CAST: variants seen among roughly 807,000 people sequenced by gnomAD.
CAST encodes calpastatin.
CAST carries 76 observed loss-of-function variants against 119.6 expected under a neutral mutation model. That is an observed-to-expected ratio of 0.64 (90% CI 0.53 to 0.77). The LOEUF is 0.77. Among genes scored for constraint, CAST ranks in the 30% least tolerant of loss-of-function variants. CAST has a pLI of 0.00. For synonymous variants in CAST, 319 were observed against 331.6 expected (o/e 0.96, Z 0.41); for missense variants, 953 against 946.5 (o/e 1.01, Z -0.09).
the CAST span, among the ~76,000 whole-genome samples, chr5:96,515,347 C>G: frequency 1.3e-5 from 2 of 151,234 alleles, no homozygotes; most frequent in African/African-American, 4.9e-5. Flanking sequence ...TCCATCTAGC[C>G]TGTTTCCTGC....
the CAST span, among the ~76,000 whole-genome samples, chr5:96,258,810 GTGT>G: frequency 2.6e-5 from 1 of 38,010 alleles, no homozygotes; most frequent in African/African-American, 2.6e-4. Flanking sequence ...TAAAGCATAT[GTGT>G]TTTTCCCCTA....
the CAST span, among the ~76,000 whole-genome samples, chr5:96,092,173 T>G: frequency 6.6e-6 from 1 of 152,198 alleles, no homozygotes; most frequent in Non-Finnish European, 1.5e-5. Context: ...CTCCTCTCCC[T>G]TAGAAAACTC....
chr5:95,961,811 A>C, the CAST span: 1 of 1,449,170 alleles, frequency 6.9e-7, no homozygotes, highest in South Asian at 1.4e-5. Context: ...AGCCGCCGCC[A>C]CTGCTAGGGC....
chr5:96,466,655 A>G, the CAST span, among the ~76,000 whole-genome samples: 4 of 152,012 alleles, frequency 2.6e-5, no homozygotes, highest in Non-Finnish European at 4.4e-5. Flanking sequence ...TATATACTTA[A>G]TGGTATCCTG....
At chr5:96,419,366 T>C in the CAST span, among the ~76,000 whole-genome samples, 1 of 142,270 alleles carries the variant, frequency 7.0e-6, no homozygotes, top group East Asian at 2.0e-4. Context: ...AAGTATTATA[T>C]ATGTTATATA....
the CAST span, among the ~76,000 whole-genome samples, chr5:96,184,428 C>T: frequency 5.2e-4 from 79 of 152,218 alleles, 1 homozygote; most frequent in African/African-American, 1.6e-3. Context: ...GTTCGTGCCA[C>T]GGTGGTTTGC....
the CAST span, among the ~76,000 whole-genome samples, chr5:96,230,227 G>A: frequency 2.0e-5 from 3 of 152,148 alleles, no homozygotes; most frequent in Admixed American, 1.3e-4. Context: ...CTGCATTGGA[G>A]TGTCCCCCAG....
chr5:96,528,456 A>G (rs569003029), upstream of CAST, among the ~76,000 whole-genome samples: 5 of 152,110 alleles, frequency 3.3e-5, no homozygotes, highest in Admixed American at 6.5e-5. Flanking sequence ...TAGGACCAGA[A>G]GAAGGCCTTA....
the CAST span, among the ~76,000 whole-genome samples, chr5:96,136,760 A>G: frequency 1.3e-5 from 2 of 152,208 alleles, no homozygotes; most frequent in African/African-American, 4.8e-5. Flanking sequence ...ACAATGAGAA[A>G]AACTGGCTTT....
chr5:96,689,950 G>A (rs935947885), intron 2 of CAST, among the ~76,000 whole-genome samples: 14 of 152,084 alleles, frequency 9.2e-5, no homozygotes, highest in African/African-American at 3.1e-4. Flanking sequence ...TGTAGGTATA[G>A]CTATTTTCCC....
At chr5:96,475,865 C>A in the CAST span, among the ~76,000 whole-genome samples, 93,390 of 152,016 alleles carry the variant, frequency 0.61, 29,169 homozygotes, top group Non-Finnish European at 0.68. Flanking sequence ...TTGCAGGTCA[C>A]GGGTCACCCG....
At chr5:96,604,786 T>C (rs1488078840) in intron 1 of CAST, among the ~76,000 whole-genome samples, 1 of 152,240 alleles carries the variant, frequency 6.6e-6, no homozygotes, top group Non-Finnish European at 1.5e-5. Flanking sequence ...TAGGTTCTGC[T>C]TTGTAGCAAT....
chr5:96,720,866 TAG>T (rs1289843903), intron 3 of CAST, among the ~76,000 whole-genome samples: 1 of 152,200 alleles, frequency 6.6e-6, no homozygotes, highest in African/African-American at 2.4e-5. Flanking sequence ...CACTTTCACA[TAG>T]AGTGTTTGGT....
the CAST span, among the ~76,000 whole-genome samples, chr5:96,244,637 A>G: frequency 2.6e-5 from 4 of 152,208 alleles, no homozygotes; most frequent in African/African-American, 9.6e-5. Flanking sequence ...GGAAAGCTGA[A>G]TGGTTGAGGC....
At chr5:96,173,748 T>C in the CAST span, among the ~76,000 whole-genome samples, 5 of 148,438 alleles carry the variant, frequency 3.4e-5, no homozygotes, top group Admixed American at 6.6e-5. Context: ...ACTTTTTTTT[T>C]TCTTTTTTTT....
At chr5:96,549,096 A>T (rs1477295756) in intron 1 of CAST, among the ~76,000 whole-genome samples, 2 of 152,226 alleles carry the variant, frequency 1.3e-5, no homozygotes, top group African/African-American at 4.8e-5. Context: ...TACAGGAGCC[A>T]GCTCCAGTAT....
At chr5:96,759,436 GC>G (rs1204602766) in intron 24 of CAST, among the ~76,000 whole-genome samples, 1 of 152,062 alleles carries the variant, frequency 6.6e-6, no homozygotes, top group Non-Finnish European at 1.5e-5. Flanking sequence ...TCTTTGAGAA[GC>G]AGTCAAAGCA....
chr5:96,038,103 T>C, the CAST span, among the ~76,000 whole-genome samples: 1 of 152,178 alleles, frequency 6.6e-6, no homozygotes, highest in African/African-American at 2.4e-5. Context: ...GCATCCTCAG[T>C]TTTGTTGCAT....
the CAST span, among the ~76,000 whole-genome samples, chr5:96,071,159 T>C: frequency 6.6e-6 from 1 of 151,842 alleles, no homozygotes; most frequent in South Asian, 2.1e-4. Context: ...CTCACCAATA[T>C]ACAACATTCA....
Sources: gnomAD v4.1 joint callset for allele counts (sites outside exome capture counted in the v4.1 genomes callset) on GRCh38, gnomAD v4.1.1 for gene constraint, MANE v1.5 for transcripts, NCBI Gene and HGNC (gene_info 2026-07-23, HGNC 2026-07-21) for gene names.